Variants in ARK2C observed in about 807,000 individuals in gnomAD.
The protein encoded by ARK2C is E3 ubiquitin-protein ligase ARK2C.
the ARK2C span, among the ~76,000 whole-genome samples, chr18:46,378,097 G>A: frequency 6.6e-5 from 10 of 152,280 alleles, no homozygotes; most frequent in South Asian, 2.1e-3. Flanking sequence ...CCTGAGATTT[G>A]CATTTGAGCT....
chr18:46,441,981 G>A, the ARK2C span, among the ~76,000 whole-genome samples: 5 of 151,068 alleles, frequency 3.3e-5, no homozygotes, highest in African/African-American at 1.2e-4. Context: ...TGGCTGACAC[G>A]GTGAAACCCC....
At chr18:46,337,752 C>T in the ARK2C span, 1 of 228,604 alleles carries the variant, frequency 4.4e-6, no homozygotes, top group Non-Finnish European at 7.2e-6. Context: ...ACCCACCCAC[C>T]ACTCCCACCT....
At chr18:46,412,745 C>T in the ARK2C span, among the ~76,000 whole-genome samples, 3 of 152,152 alleles carry the variant, frequency 2.0e-5, no homozygotes, top group Non-Finnish European at 2.9e-5. Context: ...ATGACAAGGC[C>T]GCCTCGGGCA....
the ARK2C span, among the ~76,000 whole-genome samples, chr18:46,392,756 G>A: frequency 2.6e-5 from 4 of 152,136 alleles, no homozygotes; most frequent in Admixed American, 1.3e-4. Flanking sequence ...AGTGTGCCCC[G>A]CCAGGTACCC....
chr18:46,417,248 C>T, the ARK2C span, among the ~76,000 whole-genome samples: 1 of 152,226 alleles, frequency 6.6e-6, no homozygotes, highest in African/African-American at 2.4e-5. Context: ...TTGCCTTCTG[C>T]AGCCTATTCT....
chr18:46,336,081 G>A, the ARK2C span: 2 of 985,264 alleles, frequency 2.0e-6, no homozygotes, highest in Non-Finnish European at 2.4e-6. Context: ...GGAAGAAAGA[G>A]GGGGGCTGGA....
At chr18:46,424,822 C>T in the ARK2C span, among the ~76,000 whole-genome samples, 6 of 152,310 alleles carry the variant, frequency 3.9e-5, no homozygotes, top group East Asian at 7.7e-4. Context: ...GACCTTACAC[C>T]GGGTGACTCT....
At chr18:46,433,062 G>A in the ARK2C span, 2 of 634,504 alleles carry the variant, frequency 3.2e-6, no homozygotes, top group East Asian at 2.9e-5. Context: ...TAACAGTGAT[G>A]ACGCTGCTGT....
chr18:46,393,635 C>G, the ARK2C span, among the ~76,000 whole-genome samples: 3 of 152,208 alleles, frequency 2.0e-5, no homozygotes, highest in Non-Finnish European at 4.4e-5. Flanking sequence ...CACCCCACCC[C>G]CAGTTCTTCT....
chr18:46,415,003 C>T, the ARK2C span, among the ~76,000 whole-genome samples: 5 of 152,144 alleles, frequency 3.3e-5, no homozygotes, highest in African/African-American at 9.7e-5. Flanking sequence ...GACACTCCAT[C>T]GGCTTCAGAT....
chr18:46,438,683 G>A, the ARK2C span, among the ~76,000 whole-genome samples: 10 of 152,282 alleles, frequency 6.6e-5, no homozygotes, highest in South Asian at 2.1e-3. Context: ...CCTTCTGCAG[G>A]CCTCAGATGC....
chr18:46,359,323 A>G, the ARK2C span, among the ~76,000 whole-genome samples: 1 of 152,092 alleles, frequency 6.6e-6, no homozygotes. Flanking sequence ...AACGTGACAA[A>G]GGGAGTGTGC....
chr18:46,388,627 C>T, the ARK2C span, among the ~76,000 whole-genome samples: 1 of 152,244 alleles, frequency 6.6e-6, no homozygotes, highest in Admixed American at 6.5e-5. Flanking sequence ...ACCTCTGTGA[C>T]TTCTTTTCAC....
chr18:46,412,360 T>A, the ARK2C span, among the ~76,000 whole-genome samples: 1 of 152,214 alleles, frequency 6.6e-6, no homozygotes, highest in African/African-American at 2.4e-5. Flanking sequence ...CCCCAGAGGG[T>A]TACCACTAAG....
chr18:46,370,703 C>A, the ARK2C span, among the ~76,000 whole-genome samples: 4 of 152,214 alleles, frequency 2.6e-5, no homozygotes, highest in Non-Finnish European at 5.9e-5. Context: ...GATACCATCT[C>A]TGTCCTCGTT....
the ARK2C span, among the ~76,000 whole-genome samples, chr18:46,395,675 TGGAGCTCCAA>T: frequency 6.6e-6 from 1 of 152,232 alleles, no homozygotes; most frequent in East Asian, 1.9e-4. Flanking sequence ...ATTCACTGTC[TGGAGCTCCAA>T]GGAGCCCAGG....
the ARK2C span, among the ~76,000 whole-genome samples, chr18:46,441,347 G>A: frequency 1.3e-5 from 2 of 152,138 alleles, no homozygotes; most frequent in African/African-American, 4.8e-5. Context: ...AGCTTCCCAT[G>A]TAGCTGGGAT....
chr18:46,441,052 C>G, the ARK2C span, among the ~76,000 whole-genome samples: 1 of 152,084 alleles, frequency 6.6e-6, no homozygotes, highest in Non-Finnish European at 1.5e-5. Flanking sequence ...TGGAGTGCAC[C>G]TTGGCTCACT....
the ARK2C span, among the ~76,000 whole-genome samples, chr18:46,426,936 A>G: frequency 6.6e-6 from 1 of 152,242 alleles, no homozygotes; most frequent in Admixed American, 6.5e-5. Flanking sequence ...TGTTTTTCAG[A>G]CATCACTGAT....
Sources: allele counts gnomAD v4.1 joint callset (sites outside exome capture counted in the v4.1 genomes callset), GRCh38; gene constraint gnomAD v4.1.1; transcripts MANE v1.5; gene names NCBI Gene and HGNC (gene_info 2026-07-23, HGNC 2026-07-21).